The following CDH18 variants were observed in gnomAD, a reference collection of about 807,000 sequenced individuals.
CDH18 encodes the protein cadherin 18.
A neutral mutation model predicts 67.9 loss-of-function variants in CDH18; 31 were observed. That is an observed-to-expected ratio of 0.46 (90% CI 0.34 to 0.62). CDH18 has a LOEUF of 0.62. Among genes scored for constraint, CDH18 ranks in the 20% least tolerant of loss-of-function variants. The pLI, the probability that CDH18 is intolerant of heterozygous loss-of-function variation, is 0.01. For synonymous variants in CDH18, 362 were observed against 347.2 expected (o/e 1.04, Z -0.48); for missense variants, 890 against 975.5 (o/e 0.91, Z 1.17).
At chr5:20,318,369 A>G (rs1354577155) in intron 1 of CDH18, among the ~76,000 whole-genome samples, 1 of 152,198 alleles carries the variant, frequency 6.6e-6, no homozygotes, top group Non-Finnish European at 1.5e-5. Flanking sequence ...ATAAAGCAGT[A>G]AAACCTCTCT....
chr5:19,963,051 A>G (rs980770659), intron 2 of CDH18, among the ~76,000 whole-genome samples: 3 of 152,098 alleles, frequency 2.0e-5, no homozygotes, highest in African/African-American at 7.3e-5. Context: ...AATCATTGCT[A>G]ACAAGAGATC....
chr5:19,757,192 A>C (rs535351700), intron 3 of CDH18, among the ~76,000 whole-genome samples: 14 of 152,336 alleles, frequency 9.2e-5, no homozygotes, highest in African/African-American at 3.4e-4. Context: ...GCATTCCATG[A>C]GTCCATGGAT....
chr5:20,281,521 T>C (rs1473820916), intron 1 of CDH18, among the ~76,000 whole-genome samples: 1 of 152,162 alleles, frequency 6.6e-6, no homozygotes, highest in Non-Finnish European at 1.5e-5. Context: ...TGGTTGTAGA[T>C]ATGTGGCATT....
At chr5:20,070,326 C>A (rs532347058) in intron 2 of CDH18, among the ~76,000 whole-genome samples, 16 of 151,914 alleles carry the variant, frequency 1.1e-4, no homozygotes, top group Admixed American at 2.6e-4. Flanking sequence ...GTTCAAAAAT[C>A]GGTTAAATTT....
chr5:19,752,185 C>T (rs1581192745), intron 3 of CDH18, among the ~76,000 whole-genome samples: 1 of 152,132 alleles, frequency 6.6e-6, no homozygotes, highest in Non-Finnish European at 1.5e-5. Context: ...CCTGCTTGGA[C>T]TCAGGGGAGG....
chr5:20,271,578 ATTAATT>A (rs1745437036), intron 1 of CDH18, among the ~76,000 whole-genome samples: 1 of 152,044 alleles, frequency 6.6e-6, no homozygotes, highest in Non-Finnish European at 1.5e-5. Flanking sequence ...TAAAAACAAA[ATTAATT>A]TAAAAAAGAA....
intron 1 of CDH18, among the ~76,000 whole-genome samples, chr5:20,262,377 A>G (rs1744720315): frequency 6.6e-6 from 1 of 152,226 alleles, no homozygotes; most frequent in East Asian, 1.9e-4. Context: ...AAGGGACTTG[A>G]TAATGAGAAC....
At chr5:19,639,099 C>A (rs1439314365) in intron 5 of CDH18, among the ~76,000 whole-genome samples, 1 of 149,010 alleles carries the variant, frequency 6.7e-6, no homozygotes, top group East Asian at 2.0e-4. Context: ...GCCTCCTGGG[C>A]TCACGCCATT....
At chr5:20,406,869 C>T (rs937837268) in intron 1 of CDH18, among the ~76,000 whole-genome samples, 2 of 152,118 alleles carry the variant, frequency 1.3e-5, no homozygotes, top group African/African-American at 4.8e-5. Flanking sequence ...TGGCATGCTT[C>T]GTTAGCCACA....
At chr5:20,226,288 C>T (rs1036633426) in intron 2 of CDH18, among the ~76,000 whole-genome samples, 2 of 152,068 alleles carry the variant, frequency 1.3e-5, no homozygotes, top group East Asian at 3.9e-4. Flanking sequence ...TATAAAATAG[C>T]ATTCGGTATT....
At chr5:19,672,158 A>C (rs1267017465) in intron 5 of CDH18, among the ~76,000 whole-genome samples, 1 of 152,152 alleles carries the variant, frequency 6.6e-6, no homozygotes, top group East Asian at 1.9e-4. Context: ...ATCCTGATAC[A>C]GAACAAACAA....
chr5:19,969,183 A>G (rs1172241151), intron 2 of CDH18, among the ~76,000 whole-genome samples: 5 of 148,754 alleles, frequency 3.4e-5, no homozygotes, highest in Non-Finnish European at 7.4e-5. Flanking sequence ...TCATTAAAAA[A>G]TCAGGAAAGA....
intron 2 of CDH18, among the ~76,000 whole-genome samples, chr5:19,867,491 T>C (rs1219192126): frequency 6.6e-6 from 1 of 152,214 alleles, no homozygotes; most frequent in African/African-American, 2.4e-5. Flanking sequence ...AAAAGTGGCA[T>C]TTGCTACATA....
At chr5:19,539,717 T>C (rs1461261021) in intron 9 of CDH18, among the ~76,000 whole-genome samples, 1 of 152,080 alleles carries the variant, frequency 6.6e-6, no homozygotes, top group Non-Finnish European at 1.5e-5. Context: ...TGTGCAGAAC[T>C]CCCCTTTATA....
intron 3 of CDH18, among the ~76,000 whole-genome samples, chr5:19,752,441 C>T (rs1770976079): frequency 6.6e-6 from 1 of 152,078 alleles, no homozygotes; most frequent in African/African-American, 2.4e-5. Context: ...CAGAACTCAG[C>T]AGAGGCAGCC....
intron 1 of CDH18, among the ~76,000 whole-genome samples, chr5:20,419,540 A>G (rs918284186): frequency 3.8e-5 from 5 of 132,940 alleles, no homozygotes; most frequent in African/African-American, 1.5e-4. Context: ...CAGTGGCAAG[A>G]TCTCGGCTCA....
intron 6 of CDH18, among the ~76,000 whole-genome samples, chr5:19,595,605 A>G (rs1184588352): frequency 6.6e-6 from 1 of 152,264 alleles, no homozygotes; most frequent in African/African-American, 2.4e-5. Flanking sequence ...CCTGGGCGAC[A>G]GAGCGAGACT....
In CDH18 at chr5:20,308,079, CTTT is replaced by C. The variant is rs759117114; in HGVS notation, c.-579-52577_-579-52575del. 5.9e-4 allele frequency among the ~76,000 whole-genome samples: 50 copies of C among 85,428 alleles called. No individual in the cohort carries two copies. In the East Asian group the frequency reaches 0.017, roughly 29 times the overall value. The allele number at this position is 85,428 out of a possible 152,430, so 56.0% of individuals were successfully genotyped here. On this transcript the variant is annotated intron_variant, in intron 1 of 14. Coordinates refer to the CDH18 transcript ENST00000507958. ...TTATTTGCCTCTTTGAATACTACTG[CTTT>C]TTTTTTTTTTTTTTTTTTTTTTACT... is the stretch of plus-strand genomic sequence containing the variant.
intron 1 of CDH18, among the ~76,000 whole-genome samples, chr5:20,279,269 T>C (rs1360360061): frequency 1.3e-5 from 2 of 151,990 alleles, no homozygotes; most frequent in Admixed American, 1.3e-4. Context: ...TAAGACAAAA[T>C]AGACTTAAAG....
Sources: allele counts gnomAD v4.1 joint callset (sites outside exome capture counted in the v4.1 genomes callset), GRCh38; gene constraint gnomAD v4.1.1; transcripts MANE v1.5; gene names NCBI Gene and HGNC (gene_info 2026-07-23, HGNC 2026-07-21).